The following XPO5 variants were observed in gnomAD, a reference collection of about 807,000 sequenced individuals.
XPO5 encodes the protein exportin 5, also known as exportin-5.
A neutral mutation model predicts 160.6 loss-of-function variants in XPO5; 46 were observed. The ratio of observed to expected loss-of-function variants is 0.29; its 90% confidence interval spans 0.23 to 0.37. The LOEUF (loss-of-function observed/expected upper bound fraction) is 0.37. Among genes scored for constraint, XPO5 ranks in the 10% least tolerant of loss-of-function variants. The pLI is 1.00. For missense variants in XPO5, 1,090 were observed against 1,463.9 expected, an observed-to-expected ratio of 0.74 and a Z score of 4.17; for synonymous variants, 537 against 519.3, an observed-to-expected ratio of 1.03 and a Z score of -0.46.
rs537994727 is a variant in XPO5 at position 43,536,548 on chromosome 6, G to A, written c.2343-2541C>T. Reference sequence around the variant, plus strand: ...CCGAGGTGGGTGGATCACGAGGTCAGGAGTTCAAGACCAGTCTCTGGCCAA... The same window carrying A: ...CCGAGGTGGGTGGATCACGAGGTCAAGAGTTCAAGACCAGTCTCTGGCCAA... On this transcript the variant is annotated intron_variant, in intron 20 of 31. Transcript: ENST00000265351. Among the ~76,000 whole-genome samples the A allele has an allele frequency of 2.6e-5, 4 of 151,464 alleles. No homozygotes were observed. In the East Asian group the frequency reaches 7.8e-4, roughly 30 times the overall value.
intron 18 of XPO5, 47 bp from the exon 19 acceptor site, chr6:43,547,754 A>G (rs1233153736): frequency 1.3e-6 from 2 of 1,563,274 alleles, no homozygotes; most frequent in East Asian, 4.5e-5. Context: ...ACTTTAAACA[A>G]GGACAGTTTC....
chr6:43,549,605 G>A, intron 16 of XPO5, 27 bp from the exon 17 acceptor site: 2 of 1,607,050 alleles, frequency 1.2e-6, no homozygotes, highest in South Asian at 1.1e-5. Flanking sequence ...AACAAACTCG[G>A]AGCTGCTTTT....
At position 43,558,446 on chromosome 6, in the gene XPO5, A is replaced by C; in HGVS notation, c.1312+55T>G. 10 of 1,465,588 alleles carry C rather than the reference A, an allele frequency of 6.8e-6. No homozygotes were observed. In the South Asian group the frequency reaches 1.2e-4, roughly 17 times the overall value. 90.8% of individuals were successfully genotyped at this position (1,465,588 alleles called of 1,614,324 possible). A position where few individuals can be genotyped will look rare whatever the true frequency, so the allele number is the denominator to read the frequency against. ...CAAACACCATGCACCATGATTCATA[A>C]TACTAGATGCCATTCTGAGACTGTT... is the stretch of plus-strand genomic sequence containing the variant. On this transcript the variant is annotated intron_variant, in intron 12 of 31. Coordinates refer to ENST00000265351, the MANE Select transcript of XPO5 (RefSeq NM_020750.3).
rs1582200671 is a variant in XPO5 at position 43,530,818 on chromosome 6, A to G, written c.2547T>C (p.His849=). ...TGGAAGGGCCTGCCTTCCCTAGGAT[A>G]TGAAAACTGTAAAGGGGAAAAAAAG... ...FFSTLYENCF[H]ILGKAGPSMQ... Residue 849 remains histidine, a synonymous_variant, in exon 23 of 32, where the codon CAT becomes CAC. Transcript: ENST00000265351. 2.5e-6 allele frequency: 4 copies of G among 1,611,912 alleles called. No homozygotes were observed. The highest frequency in any genetic ancestry group is 1.7e-4 in the Middle Eastern group (1 of 6,048).
Position 43,523,253 on chromosome 6 carries a change from A to G in XPO5, c.*615T>C, listed in dbSNP as rs573177338. The G allele has an allele frequency of 5.2e-6, 1 of 191,824 alleles. No homozygotes were observed. The highest frequency in any genetic ancestry group is 5.3e-5 in the Admixed American group (1 of 18,852). The allele number at this position is 191,824 out of a possible 1,614,324, so 11.9% of individuals were successfully genotyped here. On this transcript the variant is annotated 3_prime_UTR_variant, in exon 32 of 32. Transcript: ENST00000265351. The stretch of plus-strand genomic sequence containing the variant: ...AGGTACTATACTTGATACTGTGCCA[A>G]GTTTAGCAGTAGCCTGTACCATGGA...
intron 12 of XPO5, 161 bp from the exon 13 acceptor site, chr6:43,556,125 A>C: frequency 1.1e-6 from 1 of 947,748 alleles, no homozygotes; most frequent in Non-Finnish European, 1.5e-6. Context: ...AACTTTATTA[A>C]CGAATCCAGA....
chr6:43,570,168 C>T (rs999648963), intron 5 of XPO5, among the ~76,000 whole-genome samples: 5 of 150,836 alleles, frequency 3.3e-5, no homozygotes, highest in East Asian at 3.9e-4. Flanking sequence ...AAAAATCAGC[C>T]GGGCCTGGTG....
intron 19 of XPO5, 100 bp downstream of exon 19, chr6:43,547,508 A>T: frequency 9.4e-7 from 1 of 1,062,770 alleles, no homozygotes; most frequent in Non-Finnish European, 1.4e-6. Flanking sequence ...CACGTTTCTC[A>T]CCAGTATAGA....
At chr6:43,534,880 C>T (rs1794219944) in intron 20 of XPO5, among the ~76,000 whole-genome samples, 1 of 151,890 alleles carries the variant, frequency 6.6e-6, no homozygotes, top group Admixed American at 6.6e-5. Context: ...TGCGTGTAAT[C>T]CCAGTTACTT....
rs1230868706 is a variant in XPO5 at position 43,558,593 on chromosome 6, TG to T, written c.1222-3del. ...GTCTGTTTTAGAAGGAAAGCCCATCTGGAAAAAGAAAGGTAATTGGGGTAGG... is the reference window on the plus strand; with the variant it reads ...GTCTGTTTTAGAAGGAAAGCCCATCTGAAAAAGAAAGGTAATTGGGGTAGG... On this transcript the variant is annotated splice_polypyrimidine_tract_variant and splice_region_variant and intron_variant, in intron 11 of 31. Coordinates refer to ENST00000265351, the MANE Select transcript of XPO5 (RefSeq NM_020750.3). The T allele has an allele frequency of 3.8e-6, 6 of 1,578,112 alleles. No homozygotes were observed. The African/African-American group carries it at 6.8e-5, about 18-fold the overall frequency.
At chr6:43,571,238 T>C (rs1014413417) in intron 3 of XPO5, among the ~76,000 whole-genome samples, 1 of 152,188 alleles carries the variant, frequency 6.6e-6, no homozygotes, top group Admixed American at 6.6e-5. Context: ...TAGGATGACA[T>C]CATTATTCTT....
At chr6:43,525,954 CCT>C (rs778677940) in intron 27 of XPO5, 33 bp from the exon 28 acceptor site, 5 of 1,609,078 alleles carry the variant, frequency 3.1e-6, no homozygotes, top group Admixed American at 1.7e-5. Context: ...TAAGCTCCAT[CCT>C]TTCAGAACAG....
In XPO5 at chr6:43,546,605, G is replaced by A; in HGVS notation, c.2308C>T (p.Leu770=). 6.2e-7 allele frequency: 1 copy of A among 1,611,926 alleles called. No individual in the cohort carries two copies. Among genetic ancestry groups the A allele is most frequent in the Non-Finnish European group, 8.5e-7 (1 of 1,179,330 alleles). Residue 770 remains leucine (L), a synonymous_variant, in exon 20 of 32, where the codon CTG becomes TTG. Coordinates refer to ENST00000265351, the MANE Select transcript of XPO5 (RefSeq NM_020750.3). ...GCAAGCAAATTGTCAAGAAGTTTCA[G>A]AATCTGCTCTGTGCAGGGGTTACGG... is the stretch of plus-strand genomic sequence containing the variant. The part of the protein sequence containing the change: ...IFRNPCTEQI[L]KLLDNLLALI...
At chr6:43,533,263 CG>C (rs1350232701) in intron 21 of XPO5, 13 of 145,292 alleles carry the variant, frequency 8.9e-5, no homozygotes, top group African/African-American at 2.4e-4. Context: ...CACACACACA[CG>C]AGGAGGCAGG....
chr6:43,524,991 G>A, intron 29 of XPO5, 23 bp from the exon 30 acceptor site: 1 of 1,609,062 alleles, frequency 6.2e-7, no homozygotes, highest in Non-Finnish European at 8.5e-7. Flanking sequence ...CTGTGCTTTA[G>A]GGCCACAGGG....
intron 11 of XPO5, 57 bp downstream of exon 11, chr6:43,560,121 A>G (rs1762338758): frequency 6.4e-7 from 1 of 1,572,010 alleles, no homozygotes; most frequent in Non-Finnish European, 8.7e-7. Flanking sequence ...ACCCAGCCTC[A>G]AAGTCTTATT....
At chr6:43,536,914 C>G (rs1412318952) in intron 20 of XPO5, among the ~76,000 whole-genome samples, 2 of 151,936 alleles carry the variant, frequency 1.3e-5, no homozygotes, top group East Asian at 1.9e-4. Context: ...CTCGACAACT[C>G]AACTCTGCAT....
chr6:43,538,036 G>A (rs1161748941), intron 20 of XPO5, among the ~76,000 whole-genome samples: 1 of 121,044 alleles, frequency 8.3e-6, no homozygotes, highest in Non-Finnish European at 1.6e-5. Context: ...AGTGAGCTGA[G>A]ATAGCACCAG....
chr6:43,524,763 C>T (rs1793447412), intron 30 of XPO5, 68 bp downstream of exon 30: 6 of 1,599,286 alleles, frequency 3.8e-6, no homozygotes, highest in Non-Finnish European at 5.1e-6. Flanking sequence ...AGGATAAGGC[C>T]CAAGAGACTA....
Sources: gnomAD v4.1 joint callset for allele counts (sites outside exome capture counted in the v4.1 genomes callset) on GRCh38, gnomAD v4.1.1 for gene constraint, MANE v1.5 for transcripts, NCBI Gene and HGNC (gene_info 2026-07-23, HGNC 2026-07-21) for gene names.